Variants in ARHGAP6 observed in about 807,000 individuals in gnomAD.
ARHGAP6 encodes rho GTPase-activating protein 6.
ARHGAP6 carries 16 observed loss-of-function variants against 55.7 expected under a neutral mutation model. That is an observed-to-expected ratio of 0.29 (90% CI 0.19 to 0.44). The LOEUF (loss-of-function observed/expected upper bound fraction) is 0.44. ARHGAP6 is among the 20% of genes least tolerant of loss of function. The pLI is 1.00. For synonymous variants in ARHGAP6, 382 were observed against 360.9 expected (o/e 1.06, Z -0.66); for missense variants, 698 against 808.9 (o/e 0.86, Z 1.66).
intron 1 of ARHGAP6, among the ~76,000 whole-genome samples, chrX:11,494,281 T>A (rs754836784): frequency 1.8e-5 from 2 of 112,055 alleles, no homozygotes; most frequent in African/African-American, 6.5e-5. Context: ...CCTTCTAATA[T>A]GTTTTCTTTT....
chrX:11,402,854 G>A (rs1402329745), intron 1 of ARHGAP6, among the ~76,000 whole-genome samples: 2 of 111,614 alleles, frequency 1.8e-5, no homozygotes, highest in East Asian at 2.8e-4. Context: ...TATTTAGGAG[G>A]TGGGCAAATC....
intron 1 of ARHGAP6, among the ~76,000 whole-genome samples, chrX:11,615,747 A>G (rs1370039574): frequency 1.8e-5 from 2 of 112,530 alleles, no homozygotes; most frequent in Non-Finnish European, 3.8e-5. Context: ...ATAAACAAAT[A>G]AAGACAATGC....
At chrX:11,358,477 CTTTCTTTCT>C (rs1441725104) in intron 1 of ARHGAP6, among the ~76,000 whole-genome samples, 13 of 78,002 alleles carry the variant, frequency 1.7e-4, no homozygotes, top group South Asian at 6.1e-4. Flanking sequence ...TTCTTTCTTT[CTTTCTTTCT>C]TTTTTTTTTT....
At chrX:11,275,635 T>C (rs376682420) in intron 1 of ARHGAP6, among the ~76,000 whole-genome samples, 1 of 111,899 alleles carries the variant, frequency 8.9e-6, no homozygotes, top group East Asian at 2.8e-4. Flanking sequence ...AAAGCCATCA[T>C]TGAGGCTCCT....
chrX:11,568,041 G>T (rs1294269761), intron 1 of ARHGAP6, among the ~76,000 whole-genome samples: 2 of 111,469 alleles, frequency 1.8e-5, no homozygotes, highest in African/African-American at 6.5e-5. Flanking sequence ...ATGCCCTCAG[G>T]TGGCAGAGTT....
Position 11,239,935 on chromosome X carries a change from T to C in ARHGAP6, c.748+14613A>G, listed in dbSNP as rs1465851709. On this transcript the variant is annotated intron_variant, in intron 2 of 12. Transcript: ENST00000337414. ...TATTTCATCTCATTATTTCTCACTT[T>C]GAGGGCTTTTCTTTGTGGCTTTCAA... 5.3e-5 allele frequency among the ~76,000 whole-genome samples: 6 copies of C among 112,289 alleles called. No homozygotes were observed. In the East Asian group the frequency reaches 1.7e-3, roughly 31 times the overall value.
chrX:11,390,621 AAAAC>A (rs1490454954), intron 1 of ARHGAP6, among the ~76,000 whole-genome samples: 3 of 111,983 alleles, frequency 2.7e-5, no homozygotes, highest in Non-Finnish European at 5.6e-5. Context: ...TTACAAGAAA[AAAAC>A]AAACAACCCC....
intron 1 of ARHGAP6, among the ~76,000 whole-genome samples, chrX:11,546,521 T>A (rs996943275): frequency 8.9e-6 from 1 of 112,063 alleles, no homozygotes; most frequent in East Asian, 2.8e-4. Context: ...GCTAATTCTA[T>A]TAGACTTAAG....
intron 1 of ARHGAP6, among the ~76,000 whole-genome samples, chrX:11,259,175 ACT>A (rs1482590942): frequency 2.7e-5 from 3 of 110,905 alleles, no homozygotes; most frequent in Non-Finnish European, 5.7e-5. Flanking sequence ...CCGTCCTTCT[ACT>A]CTCTATCCAT....
intron 1 of ARHGAP6, among the ~76,000 whole-genome samples, chrX:11,513,937 G>A (rs1056939206): frequency 9.1e-6 from 1 of 109,767 alleles, no homozygotes; most frequent in Non-Finnish European, 1.9e-5. Flanking sequence ...CAAGAAGGGC[G>A]AATCACTTGA....
At chrX:11,612,757 C>A (rs1276816761) in intron 1 of ARHGAP6, among the ~76,000 whole-genome samples, 2 of 112,444 alleles carry the variant, frequency 1.8e-5, no homozygotes, top group Non-Finnish European at 3.8e-5. Flanking sequence ...GAGGAGAGGT[C>A]TATAATAACT....
chrX:11,296,706 T>G, intron 1 of ARHGAP6: 1 of 1,067,242 alleles, frequency 9.4e-7, no homozygotes, highest in Non-Finnish European at 1.3e-6. Context: ...CTTAATCTCT[T>G]CCTCTCTCTT....
chrX:11,348,239 G>A (rs2048812858), intron 1 of ARHGAP6, among the ~76,000 whole-genome samples: 1 of 112,315 alleles, frequency 8.9e-6, no homozygotes, highest in Non-Finnish European at 1.9e-5. Context: ...ATATTTCAAA[G>A]TCCACATGCA....
intron 2 of ARHGAP6, among the ~76,000 whole-genome samples, chrX:11,238,157 G>T (rs1232960276): frequency 8.9e-6 from 1 of 112,395 alleles, no homozygotes; most frequent in Non-Finnish European, 1.9e-5. Flanking sequence ...TTGTCACAAT[G>T]CTCAAGTTAT....
intron 2 of ARHGAP6, among the ~76,000 whole-genome samples, chrX:11,247,347 T>C (rs1482350996): frequency 1.8e-5 from 2 of 112,746 alleles, no homozygotes; most frequent in Non-Finnish European, 3.7e-5. Flanking sequence ...TTCTGTCTTA[T>C]AGAACCATTC....
chrX:11,310,206 GC>G (rs1429305525), intron 1 of ARHGAP6, among the ~76,000 whole-genome samples: 1 of 44,350 alleles, frequency 2.3e-5, no homozygotes, highest in African/African-American at 1.2e-4. Flanking sequence ...CACTAGGATA[GC>G]TTTAAAAAAA....
intron 2 of ARHGAP6, among the ~76,000 whole-genome samples, chrX:11,206,727 G>A (rs2046709899): frequency 9.0e-6 from 1 of 111,380 alleles, no homozygotes; most frequent in Non-Finnish European, 1.9e-5. Context: ...TTTTATTGAG[G>A]CTCTGCTTTA....
chrX:11,440,690 G>A (rs2050031318), intron 1 of ARHGAP6, among the ~76,000 whole-genome samples: 1 of 111,985 alleles, frequency 8.9e-6, no homozygotes, highest in East Asian at 2.8e-4. Flanking sequence ...CTCAAAGACA[G>A]GGCTGCCATA....
intron 1 of ARHGAP6, among the ~76,000 whole-genome samples, chrX:11,514,743 G>C (rs760661826): frequency 1.8e-5 from 2 of 110,113 alleles, no homozygotes; most frequent in Non-Finnish European, 3.8e-5. Context: ...TTCTTGATTT[G>C]ACCCACTTTT....
Sources: allele counts gnomAD v4.1 joint callset (sites outside exome capture counted in the v4.1 genomes callset), GRCh38; gene constraint gnomAD v4.1.1; transcripts MANE v1.5; gene names NCBI Gene and HGNC (gene_info 2026-07-23, HGNC 2026-07-21).